Variants in P2RY8 observed in about 807,000 individuals in gnomAD.
P2RY8 encodes the protein S-geranylgeranyl-glutathione receptor P2RY8.
In P2RY8, 6 loss-of-function variants were observed where a neutral mutation model predicts 10.0. The ratio of observed to expected loss-of-function variants is 0.60; its 90% CI spans 0.33 to 1.19. P2RY8 has a LOEUF of 1.19. Ranked by LOEUF, P2RY8 falls within the 50% of genes most tolerant of loss-of-function variation. The probability of loss-of-function intolerance (pLI) is 0.04; values close to 1 mark genes in which losing one functional copy is unlikely to be tolerated. For synonymous variants in P2RY8, 276 were observed against 252.5 expected, an observed-to-expected ratio of 1.09 and a Z score of -0.88; for missense variants, 456 against 542.0, an observed-to-expected ratio of 0.84 and a Z score of 1.58.
intron 1 of P2RY8, among the ~76,000 whole-genome samples, chrX:1,534,547 A>C (rs1366745593): frequency 1.3e-5 from 2 of 152,040 alleles, no homozygotes; most frequent in African/African-American, 4.8e-5. Context: ...CCAGGTGGAC[A>C]CTGGGATCCC....
chrX:1,535,974 G>A (rs773989029), intron 1 of P2RY8, among the ~76,000 whole-genome samples: 3 of 152,220 alleles, frequency 2.0e-5, no homozygotes, highest in East Asian at 3.9e-4. Context: ...CGTGAGACCC[G>A]GGTCTGGGGT....
intron 1 of P2RY8, among the ~76,000 whole-genome samples, chrX:1,504,427 A>T (rs1427849788): frequency 1.3e-5 from 2 of 152,118 alleles, no homozygotes; most frequent in Non-Finnish European, 2.9e-5. Context: ...AAAGCCTTTT[A>T]GTGGTGACCC....
At chrX:1,524,713 CCATTCATCCATCCATCCATACATCCATG>C (rs1291494877) in intron 1 of P2RY8, among the ~76,000 whole-genome samples, 206 of 99,284 alleles carry the variant, frequency 2.1e-3, no homozygotes, top group Non-Finnish European at 2.9e-3. Context: ...ATCCACTCAT[CCATTCATCCATCCATCCATACATCCATG>C]CATCCATCCA....
chrX:1,499,791 C>A (rs1453305566), intron 1 of P2RY8, among the ~76,000 whole-genome samples: 2 of 152,076 alleles, frequency 1.3e-5, no homozygotes, highest in East Asian at 1.9e-4. Context: ...CAAGAGGCAA[C>A]CTGGGATGTC....
At chrX:1,472,158 A>G (rs1368595678) in intron 1 of P2RY8, among the ~76,000 whole-genome samples, 1 of 152,080 alleles carries the variant, frequency 6.6e-6, no homozygotes, top group Non-Finnish European at 1.5e-5. Context: ...TACTCTCGGT[A>G]TTATGGCCAT....
In P2RY8 at chrX:1,463,515, C is replaced by A. The variant is rs2091617432; in HGVS notation, c.*1964G>T. On this transcript the variant is annotated 3_prime_UTR_variant, in exon 2 of 2. Coordinates refer to ENST00000381297, the MANE Select transcript of P2RY8 (RefSeq NM_178129.5). ...TCCTCTTCTGTCTCTTGGAAGGACA[C>A]CTGTCATGGCATTTAGGGTGCTTAA... is the stretch of plus-strand genomic sequence containing the variant. 1 of 232,318 alleles carries A rather than the reference C, an allele frequency of 4.3e-6. No homozygotes were observed. Among genetic ancestry groups the A allele is most frequent in the Non-Finnish European group, 8.5e-6 (1 of 117,604 alleles). 14.4% of individuals were successfully genotyped at this position (232,318 alleles called of 1,614,324 possible). A position where few individuals can be genotyped will look rare whatever the true frequency, so the allele number is the denominator to read the frequency against.
chrX:1,522,856 G>A (rs1342326057), intron 1 of P2RY8, among the ~76,000 whole-genome samples: 1 of 151,724 alleles, frequency 6.6e-6, no homozygotes. Context: ...ATCACTCGAG[G>A]TCAAGAGTTC....
At chrX:1,498,093 C>T (rs2092134547) in intron 1 of P2RY8, among the ~76,000 whole-genome samples, 1 of 152,086 alleles carries the variant, frequency 6.6e-6, no homozygotes, top group African/African-American at 2.4e-5. Flanking sequence ...GAACTTTAAA[C>T]AGCACCCACA....
intron 1 of P2RY8, among the ~76,000 whole-genome samples, chrX:1,509,115 C>CTATG (rs2092267483): frequency 3.0e-4 from 45 of 148,206 alleles, no homozygotes; most frequent in African/African-American, 1.0e-3. Context: ...ATCTATCTAT[C>CTATG]TATCTATCTA....
Position 1,474,594 on chromosome X carries a change from GGAT to G in P2RY8, c.-24-8015_-24-8013del, listed in dbSNP as rs2091853164. On this transcript the variant is annotated intron_variant, in intron 1 of 1. Coordinates refer to ENST00000381297, the MANE Select transcript of P2RY8 (RefSeq NM_178129.5). ...TGGATGGATGGATGGATGGATGGAT[GGAT>G]GGATGGATGGATAAGTGGGTGGGTG... 2.1e-5 allele frequency among the ~76,000 whole-genome samples: 3 copies of G among 140,692 alleles called. No individual in the cohort carries two copies. The South Asian group carries it at 6.6e-4, about 31-fold the overall frequency. 92.3% of individuals were successfully genotyped at this position (140,692 alleles called of 152,430 possible). A position where few individuals can be genotyped will look rare whatever the true frequency, so the allele number is the denominator to read the frequency against.
intron 1 of P2RY8, among the ~76,000 whole-genome samples, chrX:1,493,430 G>GGAA (rs2092082475): frequency 1.4e-4 from 2 of 14,032 alleles, no homozygotes; most frequent in Non-Finnish European, 1.9e-4. Context: ...GGAAGGAGGA[G>GGAA]GGAGGGAAGG....
intron 1 of P2RY8, among the ~76,000 whole-genome samples, chrX:1,512,808 C>G (rs2092308784): frequency 1.3e-5 from 2 of 150,502 alleles, no homozygotes; most frequent in African/African-American, 4.9e-5. Flanking sequence ...TCAATTATCT[C>G]TGCCTGGTCC....
At chrX:1,472,572 T>G in intron 1 of P2RY8, among the ~76,000 whole-genome samples, 2 of 122,180 alleles carry the variant, frequency 1.6e-5, no homozygotes, top group South Asian at 3.1e-4. Flanking sequence ...GGTGGGTAGG[T>G]GGGTGAGTGG....
rs1385325870 is a variant in P2RY8 at position 1,464,001 on chromosome X, C to T, written c.*1478G>A. ...ATGATAATTCATTACTAAACCATCT[C>T]TGTTTTCCTGCCATAGTGATGACGG... On this transcript the variant is annotated 3_prime_UTR_variant, in exon 2 of 2. Transcript: ENST00000381297. The T allele has an allele frequency of 8.6e-5, 20 of 233,154 alleles. No homozygotes were observed. The highest frequency in any genetic ancestry group is 1.4e-4 in the Non-Finnish European group (17 of 118,058). The allele number at this position is 233,154 out of a possible 1,614,324, so 14.4% of individuals were successfully genotyped here. A position where few individuals can be genotyped will look rare whatever the true frequency, so the allele number is the denominator to read the frequency against.
At chrX:1,487,826 C>T (rs1461442034) in intron 1 of P2RY8, among the ~76,000 whole-genome samples, 1 of 152,084 alleles carries the variant, frequency 6.6e-6, no homozygotes, top group African/African-American at 2.4e-5. Flanking sequence ...AAAAAGAAGG[C>T]CGGGCCAGGC....
chrX:1,479,056 G>T (rs746512876), intron 1 of P2RY8, among the ~76,000 whole-genome samples: 1 of 152,208 alleles, frequency 6.6e-6, no homozygotes, highest in African/African-American at 2.4e-5. Flanking sequence ...TTTCAACTTT[G>T]GTTTAATTTT....
intron 1 of P2RY8, among the ~76,000 whole-genome samples, chrX:1,472,651 GA>G (rs1398453928): frequency 1.1e-4 from 16 of 140,744 alleles, no homozygotes; most frequent in Non-Finnish European, 1.7e-4. Context: ...TGGGTAGATG[GA>G]TGGGAGGATG....
intron 1 of P2RY8, among the ~76,000 whole-genome samples, chrX:1,508,704 T>TCA (rs1201683452): frequency 2.7e-5 from 3 of 111,974 alleles, no homozygotes; most frequent in African/African-American, 1.0e-4. Flanking sequence ...CATCCATCCA[T>TCA]TCTATCTATC....
chrX:1,499,898 G>A (rs1330288959), intron 1 of P2RY8, among the ~76,000 whole-genome samples: 1 of 151,556 alleles, frequency 6.6e-6, no homozygotes, highest in Non-Finnish European at 1.5e-5. Flanking sequence ...TCGCTCTGTG[G>A]CCCAGGCTGG....
Sources: allele counts gnomAD v4.1 joint callset (sites outside exome capture counted in the v4.1 genomes callset), GRCh38; gene constraint gnomAD v4.1.1; transcripts MANE v1.5; gene names NCBI Gene and HGNC (gene_info 2026-07-23, HGNC 2026-07-21).